TSPAN16: variants seen among roughly 807,000 people sequenced by gnomAD.
TSPAN16 encodes the protein tetraspanin 16, also known as tetraspanin-16.
A neutral mutation model predicts 25.2 loss-of-function variants in TSPAN16; 23 were observed. The observed-to-expected ratio is 0.91, with a 90% CI of 0.66 to 1.29. The LOEUF (loss-of-function observed/expected upper bound fraction) is 1.29, where lower values mean the gene tolerates loss of function less well. Among genes scored for constraint, TSPAN16 ranks in the 50% most tolerant of loss-of-function variants. The pLI, the probability that TSPAN16 is intolerant of heterozygous loss-of-function variation, is 0.00. For synonymous variants in TSPAN16, 123 were observed against 124.4 expected (o/e 0.99, Z 0.08); for missense variants, 272 against 299.9 (o/e 0.91, Z 0.69).
At position 11,306,435 on chromosome 19, in the gene TSPAN16, G is replaced by A. The variant is rs1568290357; in HGVS notation, c.451-169G>A. 5 of 767,816 alleles carry A rather than the reference G, an allele frequency of 6.5e-6. No homozygotes were observed. The East Asian group carries it at 8.6e-5, about 13-fold the overall frequency. The allele number at this position is 767,816 out of a possible 1,614,324, so 47.6% of individuals were successfully genotyped here. A position where few individuals can be genotyped will look rare whatever the true frequency, so the allele number is the denominator to read the frequency against. On this transcript the variant is annotated intron_variant, in intron 4 of 6. Transcript: ENST00000590327. ...GGAGTTCAGCTTTTACCCTGAGTGA[G>A]ATGGGAGCCAGGGAGGGTTCTGGGC...
chr19:11,313,643 T>TA (rs1410659651), intron 6 of TSPAN16, among the ~76,000 whole-genome samples: 3 of 151,648 alleles, frequency 2.0e-5, no homozygotes, highest in African/African-American at 7.3e-5. Context: ...AGTAATCACA[T>TA]AAAAAATGCT....
intron 5 of TSPAN16, among the ~76,000 whole-genome samples, chr19:11,311,426 G>A (rs932595957): frequency 2.0e-5 from 3 of 151,868 alleles, no homozygotes; most frequent in Admixed American, 6.6e-5. Context: ...GAACCACCAC[G>A]CCCAGCCTAT....
intron 1 of TSPAN16, among the ~76,000 whole-genome samples, chr19:11,297,663 AT>A (rs1393575462): frequency 7.3e-5 from 11 of 151,718 alleles, no homozygotes; most frequent in African/African-American, 2.7e-4. Context: ...CGCCCGGCCA[AT>A]TTTTGTATTT....
chr19:11,323,660 G>C (rs2080794481), intron 6 of TSPAN16: 1 of 152,174 alleles, frequency 6.6e-6, no homozygotes, highest in South Asian at 2.1e-4. Flanking sequence ...GAAGAAACCA[G>C]GGCTCCCTAG....
intron 4 of TSPAN16, among the ~76,000 whole-genome samples, chr19:11,302,998 C>A (rs571852843): frequency 1.3e-5 from 2 of 150,666 alleles, no homozygotes; most frequent in Admixed American, 1.3e-4. Context: ...TCTGCCCGGC[C>A]GCCCCTACTG....
In TSPAN16 at chr19:11,298,901, C is replaced by T; in HGVS notation, c.297C>T (p.Ile99=). 1 of 1,614,130 alleles carries T rather than the reference C, an allele frequency of 6.2e-7. No individual in the cohort carries two copies. Among genetic ancestry groups the T allele is most frequent in the Non-Finnish European group, 8.5e-7 (1 of 1,180,012 alleles). The change falls in exon 3 of 7, where the codon ATC becomes ATT. Residue 99 remains isoleucine, a synonymous_variant. Transcript: ENST00000590327. ...TCCTGTCAATGGTTATTGTCCTCAT[C>T]ATGGAAGTTACAGCTGCCACAGTGG... is the stretch of plus-strand genomic sequence containing the variant. ...FCILSMVIVL[I]MEVTAATVVL...
intron 6 of TSPAN16, 59 bp from the exon 7 acceptor site, chr19:11,315,732 T>C: frequency 1.7e-6 from 2 of 1,200,584 alleles, no homozygotes; most frequent in East Asian, 6.3e-5. Flanking sequence ...AACTCCAGTA[T>C]GATTCTGGTT....
intron 6 of TSPAN16, among the ~76,000 whole-genome samples, chr19:11,315,506 A>G (rs322142): frequency 0.58 from 86,979 of 150,420 alleles, 26,521 homozygotes; most frequent in African/African-American, 0.76. Context: ...GTAGTGAGCC[A>G]AGATCCGCCA....
chr19:11,298,815 A>G (rs1046563465), intron 2 of TSPAN16, 57 bp from the exon 3 acceptor site: 5 of 1,527,600 alleles, frequency 3.3e-6, no homozygotes, highest in Non-Finnish European at 4.5e-6. Flanking sequence ...TGCAGGGTAT[A>G]AGGTCGGGAG....
At chr19:11,314,353 C>T (rs903116551) in intron 6 of TSPAN16, among the ~76,000 whole-genome samples, 6 of 152,122 alleles carry the variant, frequency 3.9e-5, no homozygotes, top group Non-Finnish European at 5.9e-5. Context: ...TCAATTATAT[C>T]TCAATGTTAT....
downstream of TSPAN16, among the ~76,000 whole-genome samples, chr19:11,316,683 A>T (rs322140): frequency 3.3e-5 from 5 of 151,904 alleles, no homozygotes; most frequent in African/African-American, 9.7e-5. Flanking sequence ...ACATATCTAT[A>T]GGCTCACTTA....
chr19:11,311,907 G>A (rs1455448621), intron 5 of TSPAN16, among the ~76,000 whole-genome samples: 1 of 152,134 alleles, frequency 6.6e-6, no homozygotes, highest in East Asian at 1.9e-4. Context: ...AAGTAGAAGG[G>A]AATCATCGGT....
chr19:11,320,463 A>G (rs111939441), downstream of TSPAN16, among the ~76,000 whole-genome samples: 8,227 of 152,014 alleles, frequency 0.054, 708 homozygotes, highest in African/African-American at 0.19. Context: ...GCATGGCTGG[A>G]AGCTGGGAGT....
At chr19:11,307,594 T>A (rs1265410324) in intron 5 of TSPAN16, among the ~76,000 whole-genome samples, 1 of 151,108 alleles carries the variant, frequency 6.6e-6, no homozygotes, top group Non-Finnish European at 1.5e-5. Context: ...AATTTTTTTT[T>A]AATTTTTATT....
chr19:11,324,653 C>T (rs1257041024), intron 6 of TSPAN16: 1 of 152,622 alleles, frequency 6.6e-6, no homozygotes, highest in Admixed American at 6.6e-5. Context: ...GAATTCACTT[C>T]AGGATCAGAG....
chr19:11,298,452 G>A (rs944094057), intron 2 of TSPAN16, 113 bp downstream of exon 2: 60 of 950,842 alleles, frequency 6.3e-5, no homozygotes, highest in Middle Eastern at 3.3e-4. Context: ...TTTTTTTTGC[G>A]GGGACAGGGT....
chr19:11,325,564 C>A, intron 6 of TSPAN16: 1 of 1,612,222 alleles, frequency 6.2e-7, no homozygotes, highest in South Asian at 1.1e-5. Context: ...CTCCTTGGCA[C>A]TGGCTTCAAA....
At chr19:11,300,991 C>A in intron 3 of TSPAN16, 1 of 530,238 alleles carries the variant, frequency 1.9e-6, no homozygotes, top group Non-Finnish European at 3.4e-6. Context: ...GGCTCCAGAC[C>A]CACGCGTCTC....
chr19:11,298,232 C>G lies in TSPAN16; in HGVS notation c.160C>G (p.Leu54Val). The change falls in exon 2 of 7, where the codon CTC becomes GTC. Residue 54 changes from leucine (L) to valine (V), a missense_variant. By Grantham distance (32) the Leu-to-Val change is conservative. Transcript: ENST00000590327. ...TGTCCTCGGGCTGTCCTCCGCATAC[C>G]TCCTTCACGTTGGCAACCTGTGCCT... ...TNVLGLSSAY[L>V]LHVGNLCLVM... is the part of the protein sequence containing the mutation. 1.9e-6 allele frequency: 3 copies of G among 1,614,160 alleles called. No individual in the cohort carries two copies. The highest frequency in any genetic ancestry group is 2.5e-6 in the Non-Finnish European group (3 of 1,180,028).
Sources: allele counts gnomAD v4.1 joint callset (sites outside exome capture counted in the v4.1 genomes callset), GRCh38; gene constraint gnomAD v4.1.1; transcripts MANE v1.5; gene names NCBI Gene and HGNC (gene_info 2026-07-23, HGNC 2026-07-21).